The following CSMD1 variants were observed in gnomAD, a reference collection of about 807,000 sequenced individuals.
CSMD1 encodes the protein CUB and Sushi multiple domains 1.
CSMD1 carries 213 observed loss-of-function variants against 417.5 expected under a neutral mutation model. The observed-to-expected ratio is 0.51, with a 90% CI of 0.46 to 0.57. The LOEUF is 0.57. Ranked by LOEUF, CSMD1 falls within the 20% of genes least tolerant of loss-of-function variation. The pLI is 0.00. For synonymous variants in CSMD1, 2,862 were observed against 1,736.8 expected, an observed-to-expected ratio of 1.65 and a Z score of -16.11; for missense variants, 6,923 against 4,529.7, an observed-to-expected ratio of 1.53 and a Z score of -15.17.
chr8:4,220,470 A>C (rs540414740), intron 3 of CSMD1, among the ~76,000 whole-genome samples: 1 of 152,228 alleles, frequency 6.6e-6, no homozygotes. Context: ...GACCTCATGC[A>C]TTAATTTTAA....
At chr8:4,043,601 T>C (rs1798002277) in intron 3 of CSMD1, among the ~76,000 whole-genome samples, 1 of 152,210 alleles carries the variant, frequency 6.6e-6, no homozygotes, top group Non-Finnish European at 1.5e-5. Context: ...CAATGTAGAA[T>C]AGCCAAACTG....
chr8:3,933,031 TA>T (rs5889000), intron 5 of CSMD1, among the ~76,000 whole-genome samples: 108,401 of 142,966 alleles, frequency 0.76, 41,959 homozygotes, highest in Middle Eastern at 0.79. Flanking sequence ...AAATGTATGA[TA>T]AAAAAAAAAA....
intron 25 of CSMD1, among the ~76,000 whole-genome samples, chr8:3,289,082 T>C (rs1803363831): frequency 6.8e-6 from 1 of 147,240 alleles, no homozygotes; most frequent in Non-Finnish European, 1.5e-5. Flanking sequence ...CGGTATTTAG[T>C]TTTTTGTCCT....
intron 3 of CSMD1, among the ~76,000 whole-genome samples, chr8:4,103,039 C>A (rs944910315): frequency 5.3e-5 from 8 of 152,014 alleles, no homozygotes; most frequent in Non-Finnish European, 1.2e-4. Context: ...GTTGACTCAG[C>A]GGGTCAGAGA....
At chr8:4,438,016 G>C (rs1399060613) in intron 2 of CSMD1, among the ~76,000 whole-genome samples, 1 of 152,074 alleles carries the variant, frequency 6.6e-6, no homozygotes. Context: ...GCATTTAAAA[G>C]GGGGCATGGA....
At chr8:4,300,414 C>T (rs540378666) in intron 3 of CSMD1, among the ~76,000 whole-genome samples, 5 of 152,282 alleles carry the variant, frequency 3.3e-5, no homozygotes, top group Non-Finnish European at 2.9e-5. Flanking sequence ...CTTTTGTAAG[C>T]GATGATGCCA....
intron 1 of CSMD1, among the ~76,000 whole-genome samples, chr8:4,650,857 T>C (rs1245053903): frequency 1.3e-5 from 2 of 152,222 alleles, no homozygotes; most frequent in East Asian, 3.9e-4. Flanking sequence ...AAATAGCTAG[T>C]TGCCTAGATA....
At chr8:4,163,791 G>A (rs901079238) in intron 3 of CSMD1, among the ~76,000 whole-genome samples, 1 of 152,106 alleles carries the variant, frequency 6.6e-6, no homozygotes, top group African/African-American at 2.4e-5. Context: ...TTATTCAACA[G>A]TGTCATTACA....
At chr8:4,564,143 T>G (rs978243765) in intron 2 of CSMD1, among the ~76,000 whole-genome samples, 20 of 152,172 alleles carry the variant, frequency 1.3e-4, no homozygotes, top group African/African-American at 4.8e-4. Context: ...AATGAACACG[T>G]ATAAAAGGTT....
At position 3,052,573 on chromosome 8, in the gene CSMD1, C is replaced by G; in HGVS notation, c.7549G>C (p.Val2517Leu). 6.2e-7 allele frequency: 1 copy of G among 1,611,246 alleles called. No homozygotes were observed. Among genetic ancestry groups the G allele is most frequent in the Non-Finnish European group, 8.5e-7 (1 of 1,178,714 alleles). ...TGNEFTLDSK[V>L]VYECHEGFKL... ...AAGCCCTCATGACATTCATAGACCA[C>G]TTTACTGTCCAAAGTGAACTCGTTC... Residue 2517 changes from valine (V) to leucine (L), a missense_variant, in exon 50 of 70, where the codon GTG (valine) becomes CTG (leucine). Physicochemically the swap from Val to Leu is conservative, Grantham distance 32 (BLOSUM62 1). Transcript: ENST00000635120.
At chr8:3,309,834 T>TCTGA (rs1402815465) in intron 23 of CSMD1, among the ~76,000 whole-genome samples, 1 of 152,240 alleles carries the variant, frequency 6.6e-6, no homozygotes, top group Non-Finnish European at 1.5e-5. Flanking sequence ...CCTGCTGATG[T>TCTGA]CTGACTAATC....
chr8:3,181,179 T>A lies in CSMD1; in HGVS notation c.5656A>T (p.Asn1886Tyr). The A allele has an allele frequency of 6.2e-7, 1 of 1,613,896 alleles. No individual in the cohort carries two copies. Among genetic ancestry groups the A allele is most frequent in the Non-Finnish European group, 8.5e-7 (1 of 1,179,846 alleles). ...TVPALLNSTS[N>Y]QLYLHFQSDI... ...GACTGGAAATGCAGGTAGAGTTGGT[T>A]GGAAGTACTGTTCAGCAGTGCCGGT... The change falls in exon 37 of 70, where the codon AAC becomes TAC. Residue 1886 changes from asparagine (N) to tyrosine (Y), a missense_variant. Coordinates refer to ENST00000635120, the MANE Select transcript of CSMD1 (RefSeq NM_033225.6).
At chr8:3,990,252 A>T (rs1485312921) in intron 5 of CSMD1, among the ~76,000 whole-genome samples, 4 of 152,164 alleles carry the variant, frequency 2.6e-5, no homozygotes, top group African/African-American at 9.7e-5. Context: ...TCCATAAAAG[A>T]CTTCTTTTTT....
At chr8:4,302,476 T>C (rs1798030768) in intron 3 of CSMD1, among the ~76,000 whole-genome samples, 1 of 152,174 alleles carries the variant, frequency 6.6e-6, no homozygotes, top group South Asian at 2.1e-4. Flanking sequence ...AACAGCAGTC[T>C]GTGAAAATGT....
intron 26 of CSMD1, among the ~76,000 whole-genome samples, chr8:3,272,981 G>T (rs1421378769): frequency 2.0e-5 from 3 of 150,720 alleles, no homozygotes; most frequent in Non-Finnish European, 4.4e-5. Flanking sequence ...GAATAGGAGT[G>T]GTGAGAGAGG....
chr8:3,045,676 G>T (rs529392035), intron 50 of CSMD1, among the ~76,000 whole-genome samples: 6 of 152,084 alleles, frequency 3.9e-5, no homozygotes. Context: ...TAATGCATCA[G>T]ATTTAAAAAT....
Position 4,572,326 on chromosome 8 carries a change from C to A in CSMD1, c.302+65016G>T, listed in dbSNP as rs184170928. 4.5e-3 allele frequency among the ~76,000 whole-genome samples: 681 copies of A among 152,202 alleles called. 7 individuals carry two copies. The highest frequency in any genetic ancestry group is 0.016 in the African/African-American group (657 of 41,532). On this transcript the variant is annotated intron_variant, in intron 2 of 69. Transcript: ENST00000635120. ...AGGCAGGCCTAGTGGTGACAAAATC[C>A]CCCAGAATTTGCTTTTCTATGGAGG...
intron 11 of CSMD1, among the ~76,000 whole-genome samples, chr8:3,491,420 G>A (rs534802815): frequency 5.9e-5 from 9 of 152,306 alleles, no homozygotes; most frequent in African/African-American, 1.4e-4. Flanking sequence ...TTAACACAGT[G>A]CATGGTGCGT....
At chr8:4,193,226 A>T (rs1563251804) in intron 3 of CSMD1, among the ~76,000 whole-genome samples, 1 of 152,206 alleles carries the variant, frequency 6.6e-6, no homozygotes, top group African/African-American at 2.4e-5. Flanking sequence ...TGTAGCTGCC[A>T]CAAACGTAAA....
Sources: allele counts gnomAD v4.1 joint callset (sites outside exome capture counted in the v4.1 genomes callset), GRCh38; gene constraint gnomAD v4.1.1; transcripts MANE v1.5; gene names NCBI Gene and HGNC (gene_info 2026-07-23, HGNC 2026-07-21).